The following SIPA1L1 variants were observed in gnomAD, a reference collection of about 807,000 sequenced individuals.
SIPA1L1 encodes signal-induced proliferation-associated 1-like protein 1.
In SIPA1L1, 26 loss-of-function variants were observed where a neutral mutation model predicts 162.7. The ratio of observed to expected loss-of-function variants is 0.16; its 90% CI spans 0.12 to 0.22. The LOEUF is 0.22. Ranked by LOEUF, SIPA1L1 falls within the 10% of genes least tolerant of loss-of-function variation. The pLI, the probability that SIPA1L1 is intolerant of heterozygous loss-of-function variation, is 1.00. For synonymous variants in SIPA1L1, 829 were observed against 837.4 expected (o/e 0.99, Z 0.17); for missense variants, 1,874 against 2,241.0 (o/e 0.84, Z 3.31).
intron 18 of SIPA1L1, among the ~76,000 whole-genome samples, chr14:71,724,418 G>C (rs1279084507): frequency 6.6e-6 from 1 of 152,090 alleles, no homozygotes; most frequent in African/African-American, 2.4e-5. Flanking sequence ...GCTAATTTTG[G>C]CTTAGTAAAA....
chr14:71,728,395 G>C (rs1326454211), intron 19 of SIPA1L1, among the ~76,000 whole-genome samples: 1 of 152,206 alleles, frequency 6.6e-6, no homozygotes, highest in African/African-American at 2.4e-5. Flanking sequence ...TTAGTTTCTA[G>C]ACAAGTACAT....
chr14:71,481,463 C>T (rs1437099385), intron 2 of SIPA1L1, among the ~76,000 whole-genome samples: 1 of 151,970 alleles, frequency 6.6e-6, no homozygotes, highest in Non-Finnish European at 1.5e-5. Context: ...GCATTCTAGC[C>T]TGGGTGATAG....
At chr14:71,370,721 G>A (rs1244177333) in intron 2 of SIPA1L1, among the ~76,000 whole-genome samples, 2 of 152,124 alleles carry the variant, frequency 1.3e-5, no homozygotes, top group African/African-American at 2.4e-5. Flanking sequence ...GCCAACTTGC[G>A]TGCCCAAGGT....
chr14:71,388,536 C>G (rs564192583), intron 2 of SIPA1L1, among the ~76,000 whole-genome samples: 1 of 152,180 alleles, frequency 6.6e-6, no homozygotes. Flanking sequence ...TTACCCTTTC[C>G]GTGTCAAATT....
intron 2 of SIPA1L1, among the ~76,000 whole-genome samples, chr14:71,456,517 A>G (rs2046200663): frequency 6.6e-6 from 1 of 152,262 alleles, no homozygotes; most frequent in South Asian, 2.1e-4. Context: ...TCTAGGCAGA[A>G]CCAAATGTAC....
chr14:71,475,363 A>AT (rs942326533), intron 2 of SIPA1L1, among the ~76,000 whole-genome samples: 8 of 151,848 alleles, frequency 5.3e-5, no homozygotes, highest in East Asian at 1.9e-4. Flanking sequence ...TTTGTAACTG[A>AT]TTTTTTTTTA....
At chr14:71,573,044 A>C (rs2032374792) in intron 4 of SIPA1L1, among the ~76,000 whole-genome samples, 1 of 152,182 alleles carries the variant, frequency 6.6e-6, no homozygotes, top group African/African-American at 2.4e-5. Context: ...TAGCAATATG[A>C]GCGTGTTATT....
intron 22 of SIPA1L1, among the ~76,000 whole-genome samples, chr14:71,736,138 G>A (rs984498197): frequency 7.2e-5 from 11 of 152,256 alleles, no homozygotes; most frequent in African/African-American, 2.7e-4. Context: ...GCTCATGCCT[G>A]TAATTTCAGC....
chr14:71,497,668 C>T (rs191068237), intron 2 of SIPA1L1, among the ~76,000 whole-genome samples: 5 of 152,234 alleles, frequency 3.3e-5, no homozygotes, highest in African/African-American at 1.2e-4. Flanking sequence ...TTCATCCAAG[C>T]TGTTGCATGT....
intron 10 of SIPA1L1, among the ~76,000 whole-genome samples, chr14:71,670,902 T>C (rs2044450770): frequency 6.6e-6 from 1 of 152,178 alleles, no homozygotes; most frequent in South Asian, 2.1e-4. Flanking sequence ...GGAGGTTTGT[T>C]TTTGGCCTAG....
intron 4 of SIPA1L1, chr14:71,586,987 A>G (rs551712685): frequency 6.6e-6 from 1 of 152,312 alleles, no homozygotes; most frequent in South Asian, 2.1e-4. Flanking sequence ...TGGCTCTGGG[A>G]AAACTCTTTT....
chr14:71,590,442 A>T (rs2035240629), intron 5 of SIPA1L1, among the ~76,000 whole-genome samples: 1 of 152,118 alleles, frequency 6.6e-6, no homozygotes, highest in South Asian at 2.1e-4. Flanking sequence ...AAATTATTTA[A>T]AATTATTGAA....
intron 5 of SIPA1L1, among the ~76,000 whole-genome samples, chr14:71,606,554 C>A (rs1195482798): frequency 1.3e-5 from 2 of 152,094 alleles, no homozygotes; most frequent in African/African-American, 4.8e-5. Flanking sequence ...TGGGCTTCGT[C>A]CTGAGCACTG....
At chr14:71,361,690 A>C (rs1253520174) in intron 2 of SIPA1L1, among the ~76,000 whole-genome samples, 2 of 152,124 alleles carry the variant, frequency 1.3e-5, no homozygotes, top group African/African-American at 4.8e-5. Flanking sequence ...TAGGATTTTT[A>C]AGTGGGCCTG....
At chr14:71,406,298 A>T (rs2042021749) in intron 2 of SIPA1L1, among the ~76,000 whole-genome samples, 1 of 152,200 alleles carries the variant, frequency 6.6e-6, no homozygotes, top group Non-Finnish European at 1.5e-5. Context: ...GGTTATAATG[A>T]TTATATGGGT....
intron 4 of SIPA1L1, among the ~76,000 whole-genome samples, chr14:71,558,935 T>A (rs551379456): frequency 6.6e-6 from 1 of 152,182 alleles, no homozygotes; most frequent in Non-Finnish European, 1.5e-5. Flanking sequence ...CCTCCTGCAT[T>A]GACCTCCCAA....
intron 7 of SIPA1L1, among the ~76,000 whole-genome samples, chr14:71,649,816 A>T (rs1000602585): frequency 1.3e-5 from 2 of 152,190 alleles, no homozygotes; most frequent in African/African-American, 4.8e-5. Context: ...ATAATTTAAT[A>T]TATTGGGAAA....
At chr14:71,325,221 C>T (rs1005193462) in intron 2 of SIPA1L1, among the ~76,000 whole-genome samples, 1 of 152,186 alleles carries the variant, frequency 6.6e-6, no homozygotes, top group Non-Finnish European at 1.5e-5. Flanking sequence ...CAATTGGCCT[C>T]ATTGAATTTT....
At chr14:71,662,409 A>C (rs891729649) in intron 10 of SIPA1L1, among the ~76,000 whole-genome samples, 2 of 152,220 alleles carry the variant, frequency 1.3e-5, no homozygotes, top group Non-Finnish European at 2.9e-5. Context: ...TATAAGCCCC[A>C]AACTATTCTA....
Sources: allele counts gnomAD v4.1 joint callset (sites outside exome capture counted in the v4.1 genomes callset), GRCh38; gene constraint gnomAD v4.1.1; transcripts MANE v1.5; gene names NCBI Gene and HGNC (gene_info 2026-07-23, HGNC 2026-07-21).